SACS: variants seen among roughly 807,000 people sequenced by gnomAD.
SACS encodes the protein sacsin molecular chaperone.
A neutral mutation model predicts 348.0 loss-of-function variants in SACS; 197 were observed. The ratio of observed to expected loss-of-function variants is 0.57; its 90% CI spans 0.50 to 0.64. SACS has a LOEUF of 0.64. Among genes scored for constraint, SACS ranks in the 30% least tolerant of loss-of-function variants. SACS has a pLI of 0.00. For synonymous variants in SACS, 1,985 were observed against 1,910.6 expected (o/e 1.04, Z -1.02); for missense variants, 4,999 against 5,360.8 (o/e 0.93, Z 2.11).
intron 3 of SACS, among the ~76,000 whole-genome samples, chr13:23,372,287 G>A (rs951263043): frequency 2.0e-5 from 3 of 152,202 alleles, no homozygotes; most frequent in Non-Finnish European, 4.4e-5. Flanking sequence ...AGAAAGTAAG[G>A]AGACCAGGAC....
At chr13:23,349,335 G>A (rs1869811517) in intron 9 of SACS, among the ~76,000 whole-genome samples, 1 of 152,222 alleles carries the variant, frequency 6.6e-6, no homozygotes, top group Admixed American at 6.5e-5. Context: ...GTGGACAGTA[G>A]TGTTATTTTC....
In SACS at chr13:23,339,004, T is replaced by C. The variant is rs758775714; in HGVS notation, c.4872A>G (p.Val1624=). ...FPNQFKPFID[V]FGCQLPLTVE... is the part of the protein sequence containing the mutation. ...CAGTCAAAGGTAACTGACAGCCAAA[T>C]ACATCTATAAATGGTTTGAACTGAT... Residue 1624 remains valine, a synonymous_variant, in exon 10 of 10, where the codon GTA becomes GTG. Coordinates refer to ENST00000382292, the MANE Select transcript of SACS (RefSeq NM_014363.6). 4 of 1,613,884 alleles carry C rather than the reference T, an allele frequency of 2.5e-6. No homozygotes were observed. In the South Asian group the frequency reaches 4.4e-5, roughly 18 times the overall value.
chr13:23,371,546 A>G (rs1275790323), intron 3 of SACS, among the ~76,000 whole-genome samples: 1 of 152,240 alleles, frequency 6.6e-6, no homozygotes, highest in Non-Finnish European at 1.5e-5. Context: ...AGGACCAAAA[A>G]AAATTGTTTT....
chr13:23,418,384 C>G (rs1026267281), intron 1 of SACS, among the ~76,000 whole-genome samples: 1 of 152,052 alleles, frequency 6.6e-6, no homozygotes, highest in African/African-American at 2.4e-5. Flanking sequence ...TACAGAAGTG[C>G]TTTTTGTTCC....
At chr13:23,415,206 A>G (rs1324869755) in intron 1 of SACS, among the ~76,000 whole-genome samples, 2 of 151,690 alleles carry the variant, frequency 1.3e-5, no homozygotes, top group African/African-American at 2.4e-5. Context: ...TAATTTTTGT[A>G]TTTTTAGTAG....
intron 5 of SACS, among the ~76,000 whole-genome samples, chr13:23,367,398 A>C (rs1871123001): frequency 6.6e-6 from 1 of 152,184 alleles, no homozygotes. Flanking sequence ...TTTACAATCT[A>C]AACTAGAAAA....
Position 23,408,940 on chromosome 13 carries a change from C to T in SACS, c.20+2280G>A, listed in dbSNP as rs563027331. 3.1e-5 allele frequency among the ~76,000 whole-genome samples: 4 copies of T among 127,360 alleles called. No homozygotes were observed. In the South Asian group the frequency reaches 8.2e-4, roughly 26 times the overall value. The allele number at this position is 127,360 out of a possible 152,430, so 83.6% of individuals were successfully genotyped here. ...TTGCGCCACTGCACTCCAGCCTGGG[C>T]GACAGAGCAAGACTCCGTCTCAAAA... On this transcript the variant is annotated intron_variant, in intron 2 of 9. Coordinates refer to ENST00000382292, the MANE Select transcript of SACS (RefSeq NM_014363.6).
At chr13:23,350,063 G>A (rs1017388437) in intron 9 of SACS, among the ~76,000 whole-genome samples, 1 of 152,202 alleles carries the variant, frequency 6.6e-6, no homozygotes, top group Non-Finnish European at 1.5e-5. Context: ...ATAATTCTGA[G>A]AAGCAGGCAA....
At position 23,330,086 on chromosome 13, in the gene SACS, A is replaced by C. The variant is rs748139254; in HGVS notation, c.*50T>G. Reference sequence around the variant, plus strand: ...GAAGCTTAATGAAGTACAGCAATTTATTCGTGCTACAACACATTCAAGATC... The same window carrying C: ...GAAGCTTAATGAAGTACAGCAATTTCTTCGTGCTACAACACATTCAAGATC... On this transcript the variant is annotated 3_prime_UTR_variant, in exon 10 of 10. Coordinates refer to ENST00000382292, the MANE Select transcript of SACS (RefSeq NM_014363.6). 5 of 1,516,292 alleles carry C rather than the reference A, an allele frequency of 3.3e-6. No individual in the cohort carries two copies. The highest frequency in any genetic ancestry group is 4.6e-6 in the Non-Finnish European group (5 of 1,097,470). 93.9% of individuals were successfully genotyped at this position (1,516,292 alleles called of 1,614,324 possible). A position where few individuals can be genotyped will look rare whatever the true frequency, so the allele number is the denominator to read the frequency against.
chr13:23,375,314 C>T (rs1002445379), intron 2 of SACS, 45 bp from the exon 3 acceptor site: 74 of 1,368,372 alleles, frequency 5.4e-5, no homozygotes, highest in Non-Finnish European at 6.7e-5. Context: ...GGCTGCCACC[C>T]GCCCGCCCAG....
At chr13:23,375,919 C>A (rs1871776795) in intron 2 of SACS, among the ~76,000 whole-genome samples, 1 of 152,212 alleles carries the variant, frequency 6.6e-6, no homozygotes, top group Admixed American at 6.5e-5. Flanking sequence ...ATTTCTAGGG[C>A]CTGTGTCTCC....
At chr13:23,372,765 T>C (rs945046683) in intron 3 of SACS, among the ~76,000 whole-genome samples, 1 of 152,216 alleles carries the variant, frequency 6.6e-6, no homozygotes, top group Non-Finnish European at 1.5e-5. Context: ...TTTCTTGGTC[T>C]GACTCAAAGC....
chr13:23,384,429 C>T (rs547965964), intron 2 of SACS, among the ~76,000 whole-genome samples: 2 of 152,342 alleles, frequency 1.3e-5, no homozygotes, highest in South Asian at 2.1e-4. Context: ...TGACCACTCA[C>T]TATAACCACT....
At position 23,332,392 on chromosome 13, in the gene SACS, T is replaced by C. The variant is rs747807250; in HGVS notation, c.11484A>G (p.Leu3828=). The C allele has an allele frequency of 3.1e-6, 5 of 1,614,018 alleles. No individual in the cohort carries two copies. The East Asian group carries it at 1.1e-4, about 36-fold the overall frequency. ...ESDFKPYLYK[L]PLELGTFHQL... is the part of the protein sequence containing the mutation. The stretch of plus-strand genomic sequence containing the variant: ...GGTGAAATGTGCCAAGTTCTAAAGG[T>C]AGCTTGTACAAATAAGGTTTAAAAT... Residue 3828 remains leucine (L), a synonymous_variant, in exon 10 of 10, where the codon CTA becomes CTG. Coordinates refer to ENST00000382292, the MANE Select transcript of SACS (RefSeq NM_014363.6).
chr13:23,357,869 C>A (rs879472151), intron 7 of SACS, among the ~76,000 whole-genome samples: 2 of 152,094 alleles, frequency 1.3e-5, no homozygotes, highest in Admixed American at 6.5e-5. Flanking sequence ...ATAAGAGATA[C>A]CAGAACCACC....
At chr13:23,401,391 C>T (rs1425570650) in intron 2 of SACS, among the ~76,000 whole-genome samples, 1 of 152,220 alleles carries the variant, frequency 6.6e-6, no homozygotes, top group African/African-American at 2.4e-5. Flanking sequence ...TCCCCACTTC[C>T]AGTCTTCATG....
At chr13:23,426,063 CTG>C (rs1874159940) in intron 1 of SACS, among the ~76,000 whole-genome samples, 1 of 152,106 alleles carries the variant, frequency 6.6e-6, no homozygotes, top group Non-Finnish European at 1.5e-5. Flanking sequence ...GAGAAGGAAA[CTG>C]GTGTCCAGAA....
intron 9 of SACS, among the ~76,000 whole-genome samples, chr13:23,349,179 C>T (rs2137683369): frequency 6.6e-6 from 1 of 152,224 alleles, no homozygotes; most frequent in Middle Eastern, 3.4e-3. Context: ...CTGCAAGAGT[C>T]CAGTAACAAC....
intron 2 of SACS, among the ~76,000 whole-genome samples, chr13:23,409,301 CG>C (rs1873385283): frequency 6.8e-6 from 1 of 147,052 alleles, no homozygotes; most frequent in Non-Finnish European, 1.5e-5. Flanking sequence ...ATGATCCGCC[CG>C]CCTCGGCCTC....
Sources: gnomAD v4.1 joint callset for allele counts (sites outside exome capture counted in the v4.1 genomes callset) on GRCh38, gnomAD v4.1.1 for gene constraint, MANE v1.5 for transcripts, NCBI Gene and HGNC (gene_info 2026-07-23, HGNC 2026-07-21) for gene names.